COG5: variants seen among roughly 807,000 people sequenced by gnomAD.
The protein encoded by COG5 is conserved oligomeric Golgi complex subunit 5.
COG5 carries 86 observed loss-of-function variants against 110.4 expected under a neutral mutation model. That is an observed-to-expected ratio of 0.78 (90% CI 0.65 to 0.93). The LOEUF (loss-of-function observed/expected upper bound fraction) is 0.93, where lower values mean the gene tolerates loss of function less well. Among genes scored for constraint, COG5 ranks in the 40% least tolerant of loss-of-function variants. The pLI is 0.00. For missense variants in COG5, 1,077 were observed against 987.0 expected (o/e 1.09, Z -1.22); for synonymous variants, 360 against 334.6 (o/e 1.08, Z -0.83).
intron 6 of COG5, among the ~76,000 whole-genome samples, chr7:107,486,124 CA>C (rs1249505669): frequency 6.6e-6 from 1 of 151,394 alleles, no homozygotes; most frequent in Non-Finnish European, 1.5e-5. Context: ...TCGTGTTTGC[CA>C]GGCCAAAAAA....
intron 14 of COG5, among the ~76,000 whole-genome samples, chr7:107,271,094 C>T (rs1331891355): frequency 6.6e-6 from 1 of 151,732 alleles, no homozygotes; most frequent in Non-Finnish European, 1.5e-5. Context: ...AAAAAAGTGT[C>T]TTGATTGCCA....
At chr7:107,391,960 G>C (rs929943495) in intron 7 of COG5, among the ~76,000 whole-genome samples, 1 of 152,062 alleles carries the variant, frequency 6.6e-6, no homozygotes, top group East Asian at 1.9e-4. Context: ...GCATGGTGGC[G>C]GCCACCTGTA....
chr7:107,507,227 T>C (rs946620156), intron 6 of COG5, among the ~76,000 whole-genome samples: 2 of 152,188 alleles, frequency 1.3e-5, no homozygotes, highest in African/African-American at 2.4e-5. Context: ...TCAAAGCTCA[T>C]GGTTTATTTT....
intron 12 of COG5, among the ~76,000 whole-genome samples, chr7:107,286,276 A>G (rs1042355761): frequency 7.2e-5 from 11 of 152,196 alleles, no homozygotes; most frequent in African/African-American, 2.7e-4. Context: ...TAGGCTTTGC[A>G]TATCTATAAG....
chr7:107,280,362 AT>A (rs1185401742), intron 14 of COG5, among the ~76,000 whole-genome samples: 26 of 152,096 alleles, frequency 1.7e-4, no homozygotes, highest in Admixed American at 1.7e-3. Flanking sequence ...GCCTCGTAAC[AT>A]GACTGTTACC....
At chr7:107,524,859 T>C (rs1276007575) in intron 6 of COG5, among the ~76,000 whole-genome samples, 8 of 152,210 alleles carry the variant, frequency 5.3e-5, no homozygotes, top group Non-Finnish European at 1.0e-4. Context: ...GGAAGGATAA[T>C]GGTTTTACAC....
chr7:107,301,478 GA>G (rs200365720), intron 11 of COG5, among the ~76,000 whole-genome samples: 1 of 151,852 alleles, frequency 6.6e-6, no homozygotes, highest in East Asian at 1.9e-4. Flanking sequence ...ACAAACACAT[GA>G]AAAAAATACT....
At chr7:107,294,386 G>C (rs1806421292) in intron 12 of COG5, among the ~76,000 whole-genome samples, 1 of 152,078 alleles carries the variant, frequency 6.6e-6, no homozygotes, top group South Asian at 2.1e-4. Context: ...CCTAGTTCAA[G>C]TCATTATCAT....
chr7:107,342,434 T>G (rs1399541074), intron 10 of COG5, among the ~76,000 whole-genome samples: 1 of 150,490 alleles, frequency 6.6e-6, no homozygotes, highest in African/African-American at 2.4e-5. Flanking sequence ...TCCCAGCACT[T>G]TGGGAGGCTG....
intron 12 of COG5, among the ~76,000 whole-genome samples, chr7:107,289,579 T>C (rs1255693139): frequency 2.6e-5 from 4 of 152,210 alleles, no homozygotes; most frequent in Admixed American, 2.0e-4. Context: ...TGAATCGATA[T>C]ATATCAATTT....
chr7:107,502,221 G>A (rs182954497), intron 6 of COG5, among the ~76,000 whole-genome samples: 2 of 151,976 alleles, frequency 1.3e-5, no homozygotes, highest in African/African-American at 2.4e-5. Context: ...AAGTCTTTGC[G>A]TATTCTTAGA....
chr7:107,207,550 T>C (rs1157988115), intron 21 of COG5, among the ~76,000 whole-genome samples: 2 of 152,212 alleles, frequency 1.3e-5, no homozygotes, highest in African/African-American at 4.8e-5. Context: ...TAAATGGATT[T>C]GAGGCCAACC....
At chr7:107,539,113 A>C (rs1032862639) in intron 5 of COG5, among the ~76,000 whole-genome samples, 7 of 151,920 alleles carry the variant, frequency 4.6e-5, no homozygotes, top group Admixed American at 6.6e-5. Flanking sequence ...GACACTGTCT[A>C]AAAAAAATTA....
chr7:107,252,562 A>T lies in COG5; in HGVS notation c.1750-4063T>A, dbSNP rs562405146. Among the ~76,000 whole-genome samples, 42 of 152,340 alleles carry T rather than the reference A, an allele frequency of 2.8e-4. No homozygotes were observed. In the South Asian group the frequency reaches 3.3e-3, roughly 12 times the overall value. ...ACTTTCAAACTCATTTAGTGAAGCC[A>T]GTATTAACTTGCTACCAAAACCAAA... On this transcript the variant is annotated intron_variant, in intron 16 of 21. Coordinates refer to ENST00000297135, the MANE Select transcript of COG5 (RefSeq NM_006348.5).
chr7:107,562,000 G>C (rs1027423157), intron 1 of COG5, among the ~76,000 whole-genome samples: 1 of 151,916 alleles, frequency 6.6e-6, no homozygotes, highest in South Asian at 2.1e-4. Flanking sequence ...AAGAAAGAAA[G>C]AAAGGAGCAG....
At chr7:107,461,447 A>G (rs1474382711) in intron 6 of COG5, among the ~76,000 whole-genome samples, 2 of 152,196 alleles carry the variant, frequency 1.3e-5, no homozygotes, top group Non-Finnish European at 2.9e-5. Context: ...GATATCCATA[A>G]AAACCGTATA....
chr7:107,483,533 T>C (rs1383367080), intron 6 of COG5, among the ~76,000 whole-genome samples: 2 of 151,882 alleles, frequency 1.3e-5, no homozygotes, highest in Admixed American at 1.3e-4. Flanking sequence ...TGGAGAAACC[T>C]GTCTCTACTA....
chr7:107,340,524 CATAAT>C (rs1156824136), intron 10 of COG5, among the ~76,000 whole-genome samples: 1 of 152,222 alleles, frequency 6.6e-6, no homozygotes, highest in African/African-American at 2.4e-5. Flanking sequence ...CTCCCTAACT[CATAAT>C]ATGATGCCAG....
At chr7:107,513,753 A>T (rs1339674772) in intron 6 of COG5, among the ~76,000 whole-genome samples, 3 of 152,242 alleles carry the variant, frequency 2.0e-5, no homozygotes, top group Admixed American at 6.5e-5. Flanking sequence ...TTGTAGGGAC[A>T]TGGATGAAGC....
Sources: gnomAD v4.1 joint callset for allele counts (sites outside exome capture counted in the v4.1 genomes callset) on GRCh38, gnomAD v4.1.1 for gene constraint, MANE v1.5 for transcripts, NCBI Gene and HGNC (gene_info 2026-07-23, HGNC 2026-07-21) for gene names.